The following RNF212 variants were observed in gnomAD, a reference collection of about 807,000 sequenced individuals.
The protein encoded by RNF212 is probable E3 SUMO-protein ligase RNF212.
RNF212 carries 33 observed loss-of-function variants against 34.7 expected under a neutral mutation model. That is an observed-to-expected ratio of 0.95 (90% CI 0.72 to 1.27). RNF212 has a LOEUF of 1.27. Ranked by LOEUF, RNF212 falls within the 50% of genes most tolerant of loss-of-function variation. RNF212 has a pLI of 0.00. For synonymous variants in RNF212, 140 were observed against 136.1 expected (o/e 1.03, Z -0.20); for missense variants, 377 against 362.2 (o/e 1.04, Z -0.33).
downstream of RNF212, chr4:1,071,437 T>C (rs1397305564): frequency 6.6e-6 from 1 of 152,082 alleles, no homozygotes; most frequent in East Asian, 1.9e-4. Flanking sequence ...CTGTGAAAGA[T>C]AATGTCAAGA....
chr4:1,056,442 G>A, exon 5 of RNF212: 1 of 909,178 alleles, frequency 1.1e-6, no homozygotes, highest in Non-Finnish European at 1.3e-6. Flanking sequence ...AGGTCCCGCA[G>A]GAGGCATGGA....
chr4:1,076,053 T>C (rs1719243136), intron 8 of RNF212, among the ~76,000 whole-genome samples: 1 of 152,222 alleles, frequency 6.6e-6, no homozygotes, highest in Non-Finnish European at 1.5e-5. Context: ...TTAATCCTGG[T>C]CAATTTTACA....
At chr4:1,058,254 A>G (rs1717473621) in intron 4 of RNF212, 1 of 628,984 alleles carries the variant, frequency 1.6e-6, no homozygotes. Context: ...GGGGGTTAGA[A>G]CGCTGTGAAG....
chr4:1,073,694 A>G (rs1464791934), intron 8 of RNF212, 32 bp from the exon 9 acceptor site: 2 of 1,506,570 alleles, frequency 1.3e-6, no homozygotes, highest in African/African-American at 2.8e-5. Flanking sequence ...AATGGGTAAA[A>G]TTCCAATATT....
chr4:1,064,230 T>C (rs1717940172), intron 3 of RNF212, among the ~76,000 whole-genome samples: 2 of 152,200 alleles, frequency 1.3e-5, no homozygotes. Context: ...TAAATACATA[T>C]GACAAAGCAG....
chr4:1,098,231 G>T (rs12647929), intron 2 of RNF212, among the ~76,000 whole-genome samples: 87,598 of 152,002 alleles, frequency 0.58, 26,986 homozygotes, highest in South Asian at 0.69. Flanking sequence ...CCTACCAGTG[G>T]CTCCCCAAAT....
intron 3 of RNF212, among the ~76,000 whole-genome samples, chr4:1,095,869 C>A (rs1722997593): frequency 1.1e-5 from 1 of 92,036 alleles, no homozygotes. Flanking sequence ...CCACACCCCC[C>A]ACAGCTCCAT....
chr4:1,096,821 C>A lies in RNF212; in HGVS notation c.190G>T (p.Ala64Ser), dbSNP rs1240844398. 6.2e-7 allele frequency: 1 copy of A among 1,612,602 alleles called. No individual in the cohort carries two copies. The highest frequency in any genetic ancestry group is 1.7e-5 in the Admixed American group (1 of 60,028). Residue 64 changes from alanine (A) to serine (S), a missense_variant, in exon 3 of 10, where the codon GCA becomes TCA. Transcript: ENST00000433731. ...AGACTGTCTATGCTCATGAAGAATG[C>A]CTGGATATCTGCGTCGGTCTGAAAG... The part of the protein sequence containing the change: ...LSKHTDADIQ[A>S]FFMSIDSLCK...
chr4:1,083,017 G>A (rs987364847), intron 5 of RNF212, among the ~76,000 whole-genome samples: 10 of 152,194 alleles, frequency 6.6e-5, no homozygotes, highest in Admixed American at 6.5e-4. Flanking sequence ...AGACGGGGTC[G>A]GGGGCGCAGC....
At chr4:1,078,851 C>T (rs530214773) in intron 8 of RNF212, among the ~76,000 whole-genome samples, 1 of 151,650 alleles carries the variant, frequency 6.6e-6, no homozygotes, top group Admixed American at 6.6e-5. Context: ...AACACAGGAC[C>T]AACATAGGAC....
chr4:1,088,217 C>T (rs549259424), intron 4 of RNF212, among the ~76,000 whole-genome samples: 25 of 152,278 alleles, frequency 1.6e-4, no homozygotes, highest in South Asian at 1.2e-3. Context: ...GAAGTTCAGG[C>T]TGAGGAGGTC....
At chr4:1,080,543 G>A (rs1720162179) in intron 7 of RNF212, among the ~76,000 whole-genome samples, 1 of 152,118 alleles carries the variant, frequency 6.6e-6, no homozygotes, top group African/African-American at 2.4e-5. Context: ...CCGTACAGAT[G>A]TACCACAGTG....
intron 5 of RNF212, among the ~76,000 whole-genome samples, chr4:1,083,929 A>T (rs1720761249): frequency 6.7e-6 from 1 of 148,970 alleles, no homozygotes; most frequent in African/African-American, 2.5e-5. Context: ...AATGAAAGTA[A>T]TTCCACATTT....
intron 3 of RNF212, chr4:1,093,412 G>C: frequency 7.0e-7 from 1 of 1,420,494 alleles, no homozygotes; most frequent in East Asian, 2.5e-5. Flanking sequence ...TGATATTAGA[G>C]CATAAATGTT....
intron 5 of RNF212, among the ~76,000 whole-genome samples, chr4:1,085,488 T>C (rs540878672): frequency 2.0e-5 from 3 of 152,312 alleles, no homozygotes; most frequent in East Asian, 1.9e-4. Flanking sequence ...GCCACATATA[T>C]GTACCTTTCG....
intron 5 of RNF212, among the ~76,000 whole-genome samples, chr4:1,082,809 G>A (rs534012760): frequency 4.9e-4 from 75 of 152,360 alleles, no homozygotes; most frequent in African/African-American, 1.6e-3. Flanking sequence ...TGGCTGCTGC[G>A]TGGCTGACTG....
chr4:1,075,749 C>T (rs1437784707), intron 8 of RNF212, among the ~76,000 whole-genome samples: 1 of 152,180 alleles, frequency 6.6e-6, no homozygotes, highest in Non-Finnish European at 1.5e-5. Context: ...TCACTCACCT[C>T]ACTGCAGCCT....
chr4:1,070,961 GT>G (rs924234164), downstream of RNF212, among the ~76,000 whole-genome samples: 2 of 148,510 alleles, frequency 1.3e-5, no homozygotes, highest in African/African-American at 2.5e-5. Flanking sequence ...AAACTAATTT[GT>G]TTTTTTAAAT....
chr4:1,099,661 G>A (rs1237466549), intron 2 of RNF212: 2 of 436,520 alleles, frequency 4.6e-6, no homozygotes, highest in Non-Finnish European at 9.3e-6. Context: ...ATTTTTAAAA[G>A]GGGGGTGTGT....
Sources: gnomAD v4.1 joint callset for allele counts (sites outside exome capture counted in the v4.1 genomes callset) on GRCh38, gnomAD v4.1.1 for gene constraint, MANE v1.5 for transcripts, NCBI Gene and HGNC (gene_info 2026-07-23, HGNC 2026-07-21) for gene names.